Variants in SLC24A3 observed in about 807,000 individuals in gnomAD.
SLC24A3 encodes solute carrier family 24 member 3.
In SLC24A3, 28 loss-of-function variants were observed where a neutral mutation model predicts 75.8. That is an observed-to-expected ratio of 0.37 (90% confidence interval 0.27 to 0.51). The LOEUF (loss-of-function observed/expected upper bound fraction) is 0.51. SLC24A3 is among the 20% of genes least tolerant of loss of function. The probability of loss-of-function intolerance (pLI) is 0.94; values close to 1 mark genes in which losing one functional copy is unlikely to be tolerated. For missense variants in SLC24A3, 663 were observed against 847.8 expected (o/e 0.78, Z 2.71); for synonymous variants, 372 against 334.1 (o/e 1.11, Z -1.24).
chr20:19,354,616 GTGTGTGTA>G (rs1321522380), intron 2 of SLC24A3, among the ~76,000 whole-genome samples: 1,711 of 126,488 alleles, frequency 0.014, 29 homozygotes, highest in African/African-American at 0.073. Context: ...GTGTGTGTGT[GTGTGTGTA>G]TGTGTGTATG....
chr20:19,649,293 C>T (rs907259296), intron 6 of SLC24A3, among the ~76,000 whole-genome samples: 3 of 152,188 alleles, frequency 2.0e-5, no homozygotes, highest in Admixed American at 6.5e-5. Flanking sequence ...AAGGGAACCA[C>T]ATGGAGCCCA....
At chr20:19,372,009 G>A (rs1986000662) in intron 2 of SLC24A3, among the ~76,000 whole-genome samples, 1 of 152,088 alleles carries the variant, frequency 6.6e-6, no homozygotes, top group Admixed American at 6.5e-5. Flanking sequence ...CCAGACCCAG[G>A]GCTTCTATAT....
chr20:19,521,509 G>A (rs913225918), intron 3 of SLC24A3, among the ~76,000 whole-genome samples: 6 of 151,988 alleles, frequency 3.9e-5, no homozygotes, highest in Non-Finnish European at 7.4e-5. Flanking sequence ...ATGTGTTCTT[G>A]AAGGAGCATG....
intron 2 of SLC24A3, among the ~76,000 whole-genome samples, chr20:19,385,760 G>T (rs1352492780): frequency 6.6e-6 from 1 of 151,690 alleles, no homozygotes; most frequent in Non-Finnish European, 1.5e-5. Flanking sequence ...TCTTACCTCA[G>T]CCTTGCAAGT....
intron 2 of SLC24A3, among the ~76,000 whole-genome samples, chr20:19,463,907 G>T (rs1040395387): frequency 6.6e-6 from 1 of 151,862 alleles, no homozygotes; most frequent in Non-Finnish European, 1.5e-5. Flanking sequence ...CCCTGGTAGT[G>T]GGTGGGAGGT....
At position 19,346,329 on chromosome 20, in the gene SLC24A3, GGTGTATATATATATGGTATATATA is replaced by G. The variant is rs1568595899; in HGVS notation, c.271+65243_271+65266del. 5.5e-3 allele frequency among the ~76,000 whole-genome samples: 323 copies of G among 58,898 alleles called. 4 individuals carry two copies. The highest frequency in any genetic ancestry group is 0.026 in the African/African-American group (296 of 11,584). The allele number at this position is 58,898 out of a possible 152,430, so 38.6% of individuals were successfully genotyped here. A position where few individuals can be genotyped will look rare whatever the true frequency, so the allele number is the denominator to read the frequency against. ...ATATATATATATGGTATATATATAT[GGTGTATATATATATGGTATATATA>G]TGGTGTATATATATGTGGTGTATAT... is the stretch of plus-strand genomic sequence containing the variant. On this transcript the variant is annotated intron_variant, in intron 2 of 16. Transcript: ENST00000328041.
intron 2 of SLC24A3, among the ~76,000 whole-genome samples, chr20:19,374,223 T>C (rs1378564885): frequency 6.6e-6 from 1 of 152,120 alleles, no homozygotes; most frequent in Non-Finnish European, 1.5e-5. Context: ...CCCTTAGATA[T>C]AACTCAAATA....
chr20:19,317,332 G>A (rs1984609099), intron 2 of SLC24A3, among the ~76,000 whole-genome samples: 3 of 152,224 alleles, frequency 2.0e-5, no homozygotes, highest in African/African-American at 7.2e-5. Flanking sequence ...TGATTTCTAA[G>A]TGAGCTACCG....
intron 6 of SLC24A3, among the ~76,000 whole-genome samples, chr20:19,647,758 A>G (rs922640866): frequency 6.6e-6 from 1 of 152,204 alleles, no homozygotes; most frequent in African/African-American, 2.4e-5. Flanking sequence ...ATCCGTGGTT[A>G]TTGTTCAGCA....
At chr20:19,449,150 T>A (rs187752636) in intron 2 of SLC24A3, among the ~76,000 whole-genome samples, 2 of 152,308 alleles carry the variant, frequency 1.3e-5, no homozygotes, top group East Asian at 3.9e-4. Context: ...TAGAACTGGA[T>A]GAAATGCCTC....
intron 6 of SLC24A3, among the ~76,000 whole-genome samples, chr20:19,640,685 G>C (rs760597228): frequency 2.6e-5 from 4 of 152,130 alleles, no homozygotes; most frequent in Non-Finnish European, 5.9e-5. Context: ...GGGAGGCGAA[G>C]GTTGCAGTGA....
intron 6 of SLC24A3, among the ~76,000 whole-genome samples, chr20:19,626,591 G>C (rs982339639): frequency 6.6e-6 from 1 of 152,188 alleles, no homozygotes; most frequent in Non-Finnish European, 1.5e-5. Flanking sequence ...AAACATAAGA[G>C]AGATTACGTT....
intron 3 of SLC24A3, among the ~76,000 whole-genome samples, chr20:19,517,235 C>T (rs2030012275): frequency 6.6e-6 from 1 of 152,172 alleles, no homozygotes; most frequent in Non-Finnish European, 1.5e-5. Context: ...TCCGGAATTC[C>T]CTGGCAGCCG....
chr20:19,255,971 T>G (rs965875150), intron 1 of SLC24A3, among the ~76,000 whole-genome samples: 1 of 152,006 alleles, frequency 6.6e-6, no homozygotes, highest in African/African-American at 2.4e-5. Flanking sequence ...TGGTGGCACG[T>G]GCCTGTAGTC....
At chr20:19,656,797 T>C (rs1462999013) in intron 7 of SLC24A3, among the ~76,000 whole-genome samples, 1 of 152,218 alleles carries the variant, frequency 6.6e-6, no homozygotes. Context: ...GCAGTTCTGC[T>C]GGTGTTGGCT....
intron 2 of SLC24A3, among the ~76,000 whole-genome samples, chr20:19,358,033 G>A (rs947531829): frequency 4.6e-5 from 7 of 152,198 alleles, no homozygotes; most frequent in African/African-American, 1.7e-4. Context: ...GTCCAATGAA[G>A]GCAGATGTGC....
chr20:19,655,456 T>C (rs2032254635), intron 7 of SLC24A3, among the ~76,000 whole-genome samples: 1 of 152,146 alleles, frequency 6.6e-6, no homozygotes, highest in African/African-American at 2.4e-5. Context: ...ATCTGACTCC[T>C]AGTTCTGCTT....
At chr20:19,583,732 G>A (rs148426161) in intron 4 of SLC24A3, among the ~76,000 whole-genome samples, 1 of 152,340 alleles carries the variant, frequency 6.6e-6, no homozygotes, top group East Asian at 1.9e-4. Context: ...TGCGAGCTGT[G>A]TCAGGCTACC....
At chr20:19,688,669 A>G (rs2032709303) in intron 12 of SLC24A3, among the ~76,000 whole-genome samples, 1 of 152,202 alleles carries the variant, frequency 6.6e-6, no homozygotes, top group African/African-American at 2.4e-5. Context: ...TCTCATAGTC[A>G]TTCTGCAAGG....
Sources: allele counts gnomAD v4.1 joint callset (sites outside exome capture counted in the v4.1 genomes callset), GRCh38; gene constraint gnomAD v4.1.1; transcripts MANE v1.5; gene names NCBI Gene and HGNC (gene_info 2026-07-23, HGNC 2026-07-21).